Variants in ANKRD36C observed in about 807,000 individuals in gnomAD.
The protein encoded by ANKRD36C is ankyrin repeat domain-containing protein 36C.
A neutral mutation model predicts 276.4 loss-of-function variants in ANKRD36C; 61 were observed. That is an observed-to-expected ratio of 0.22 (90% confidence interval 0.18 to 0.27). The LOEUF (loss-of-function observed/expected upper bound fraction) is 0.27. Ranked by LOEUF, ANKRD36C falls within the 10% of genes least tolerant of loss-of-function variation. The pLI is 1.00. For synonymous variants in ANKRD36C, 483 were observed against 680.1 expected (o/e 0.71, Z 4.51); for missense variants, 1,447 against 2,032.3 (o/e 0.71, Z 5.54).
chr2:95,919,648 A>C (rs1388097726), intron 34 of ANKRD36C, 85 bp downstream of exon 36: 3,391 of 245,044 alleles, frequency 0.014, no homozygotes, highest in Middle Eastern at 0.021. Context: ...GACTCCCCCC[A>C]CCCACCCTCC....
At chr2:95,968,834 T>G (rs892316425) in intron 6 of ANKRD36C, among the ~76,000 whole-genome samples, 4 of 152,176 alleles carry the variant, frequency 2.6e-5, no homozygotes, top group Non-Finnish European at 4.4e-5. Flanking sequence ...TTGGTTTGAT[T>G]AATTTACTAG....
At chr2:95,965,551 G>A (rs1243379751) in intron 6 of ANKRD36C, among the ~76,000 whole-genome samples, 1 of 152,120 alleles carries the variant, frequency 6.6e-6, no homozygotes, top group Non-Finnish European at 1.5e-5. Context: ...CCATGGGAGA[G>A]ATACAGCTAT....
exon 63 of ANKRD36C, chr2:95,856,108 T>G: frequency 6.2e-7 from 1 of 1,607,706 alleles, no homozygotes; most frequent in Admixed American, 1.7e-5. Context: ...TTTTCCAGCC[T>G]GAGCCTGGCA....
intron 24 of ANKRD36C, among the ~76,000 whole-genome samples, chr2:95,933,584 A>C (rs1171664188): frequency 1.3e-5 from 2 of 152,084 alleles, no homozygotes; most frequent in Non-Finnish European, 2.9e-5. Flanking sequence ...TTTGTCTTTT[A>C]TCGGTGTATA....
rs567529415 is a variant in ANKRD36C, at chr2:95,920,361, A to T, written c.2245+1246T>A. 6.8e-5 allele frequency among the ~76,000 whole-genome samples: 9 copies of T among 132,282 alleles called. 3 individuals carry two copies. The East Asian group carries it at 2.4e-3, about 36-fold the overall frequency. 86.8% of individuals were successfully genotyped at this position (132,282 alleles called of 152,430 possible). A position where few individuals can be genotyped will look rare whatever the true frequency, so the allele number is the denominator to read the frequency against. ...ATTCATCATGCTCTTTAACTTGCCC[A>T]ATAACTGAGAAGGCACACAGTTACC... On this transcript the variant is annotated intron_variant, in intron 34 of 66. Coordinates refer to ENST00000456556, the Ensembl canonical transcript of ANKRD36C.
At chr2:95,928,983 T>TA in intron 26 of ANKRD36C, 89 bp downstream of exon 26, 1 of 1,578,008 alleles carries the variant, frequency 6.3e-7, no homozygotes, top group Non-Finnish European at 8.6e-7. Context: ...ACATGCAGCT[T>TA]AGACGAACTC....
At position 95,893,751 on chromosome 2, in the gene ANKRD36C, A is replaced by C. The variant is rs775014303; in HGVS notation, c.2756-1891T>G. On this transcript the variant is annotated intron_variant, in intron 44 of 66. Transcript: ENST00000456556. ...TGAAAAGCAAAAGGGATTCATAATCACTCATATGTAAATATGACAAAGATA... is the reference window on the plus strand; with the variant it reads ...TGAAAAGCAAAAGGGATTCATAATCCCTCATATGTAAATATGACAAAGATA... The C allele has an allele frequency of 4.4e-6, 7 of 1,604,142 alleles. No individual in the cohort carries two copies. In the Admixed American group the frequency reaches 1.2e-4, roughly 27 times the overall value.
At chr2:95,918,123 A>G in intron 34 of ANKRD36C, 81 bp from the exon 37 acceptor site, 1 of 1,549,532 alleles carries the variant, frequency 6.5e-7, no homozygotes, top group Non-Finnish European at 8.7e-7. Context: ...GTTAGCATCA[A>G]GCTGTATCCT....
chr2:95,878,256 CCA>C (rs1675999751), intron 58 of ANKRD36C, among the ~76,000 whole-genome samples: 1 of 150,542 alleles, frequency 6.6e-6, no homozygotes, highest in East Asian at 1.9e-4. Context: ...AATTAAATTT[CCA>C]CAGACTTATT....
At chr2:95,894,403 A>AG (rs1335172308) in intron 44 of ANKRD36C, 1 of 152,234 alleles carries the variant, frequency 6.6e-6, no homozygotes, top group African/African-American at 2.4e-5. Context: ...ATAATATATT[A>AG]GCCTCAATAA....
At chr2:95,880,318 C>G in intron 58 of ANKRD36C, 109 bp downstream of exon 78, 1 of 1,150,740 alleles carries the variant, frequency 8.7e-7, no homozygotes, top group Non-Finnish European at 1.2e-6. Flanking sequence ...TAGATGAAAT[C>G]CTGAAATAAA....
At chr2:95,921,638 T>G in exon 34 of ANKRD36C, 1 of 1,609,458 alleles carries the variant, frequency 6.2e-7, no homozygotes, top group Non-Finnish European at 8.5e-7. Flanking sequence ...CCTTTATTTC[T>G]GTGGCTATAT....
intron 20 of ANKRD36C, among the ~76,000 whole-genome samples, chr2:95,939,604 C>T (rs1356775383): frequency 6.6e-6 from 1 of 151,910 alleles, no homozygotes; most frequent in African/African-American, 2.4e-5. Context: ...ACTCAGGAGG[C>T]TGAGGCAGGA....
At chr2:95,910,809 C>T (rs1676894561) in intron 42 of ANKRD36C, among the ~76,000 whole-genome samples, 1 of 151,346 alleles carries the variant, frequency 6.6e-6, no homozygotes, top group Admixed American at 6.6e-5. Flanking sequence ...ATGTCTAAAA[C>T]TAAAATAAAA....
intron 37 of ANKRD36C, 37 bp from the exon 40 acceptor site, chr2:95,916,089 T>G (rs1293539854): frequency 6.2e-7 from 1 of 1,602,634 alleles, no homozygotes; most frequent in South Asian, 1.1e-5. Flanking sequence ...AAATAAGGTA[T>G]GTTTCATAGG....
chr2:95,926,437 T>C (rs1433986025), intron 28 of ANKRD36C, among the ~76,000 whole-genome samples: 2 of 151,644 alleles, frequency 1.3e-5, no homozygotes, highest in Non-Finnish European at 3.0e-5. Flanking sequence ...CTCTAAAGCA[T>C]TTTCATTAAA....
intron 6 of ANKRD36C, 96 bp downstream of exon 6, chr2:95,978,026 T>C: frequency 2.3e-6 from 1 of 432,276 alleles, no homozygotes; most frequent in Non-Finnish European, 4.3e-6. Context: ...ATTTAAACAG[T>C]GATTTTTTTA....
chr2:95,937,905 C>A (rs1259610058), intron 22 of ANKRD36C, among the ~76,000 whole-genome samples: 5 of 152,282 alleles, frequency 3.3e-5, no homozygotes, highest in Non-Finnish European at 5.9e-5. Flanking sequence ...TATTTATGTT[C>A]ATTTTGTATC....
At chr2:95,916,898 A>G (rs1677114240) in intron 36 of ANKRD36C, among the ~76,000 whole-genome samples, 1 of 151,676 alleles carries the variant, frequency 6.6e-6, no homozygotes, top group Non-Finnish European at 1.5e-5. Flanking sequence ...ACGTATACAA[A>G]GTAAAACTGC....
Sources: gnomAD v4.1 joint callset for allele counts (sites outside exome capture counted in the v4.1 genomes callset) on GRCh38, gnomAD v4.1.1 for gene constraint, MANE v1.5 for transcripts, NCBI Gene and HGNC (gene_info 2026-07-23, HGNC 2026-07-21) for gene names.